The following XXYLT1 variants were observed in gnomAD, a reference collection of about 807,000 sequenced individuals.
The protein encoded by XXYLT1 is xyloside xylosyltransferase 1.
XXYLT1 carries 20 observed loss-of-function variants against 28.9 expected under a neutral mutation model. The observed-to-expected ratio is 0.69, with a 90% CI of 0.49 to 1.00. XXYLT1 has a LOEUF of 1.00. XXYLT1 is among the 50% of genes least tolerant of loss of function. XXYLT1 has a pLI of 0.00. For synonymous variants in XXYLT1, 257 were observed against 253.8 expected, an observed-to-expected ratio of 1.01 and a Z score of -0.12; for missense variants, 542 against 560.1, an observed-to-expected ratio of 0.97 and a Z score of 0.33.
At chr3:195,201,324 T>C (rs2108764932) in intron 2 of XXYLT1, among the ~76,000 whole-genome samples, 1 of 152,298 alleles carries the variant, frequency 6.6e-6, no homozygotes, top group Non-Finnish European at 1.5e-5. Context: ...AGGTGCTCTA[T>C]CTATCCTGGG....
At chr3:195,189,329 A>G (rs1238365927) in intron 2 of XXYLT1, among the ~76,000 whole-genome samples, 2 of 152,242 alleles carry the variant, frequency 1.3e-5, no homozygotes, top group African/African-American at 4.8e-5. Context: ...CTTGTCCCAG[A>G]CAAGTTACAA....
chr3:195,132,637 G>C (rs1439725323), intron 3 of XXYLT1, among the ~76,000 whole-genome samples: 1 of 152,176 alleles, frequency 6.6e-6, no homozygotes, highest in Admixed American at 6.5e-5. Flanking sequence ...AGGAACTAAT[G>C]ACATCAGCCT....
chr3:195,247,960 C>T (rs562203993), intron 1 of XXYLT1: 8 of 553,940 alleles, frequency 1.4e-5, no homozygotes, highest in Non-Finnish European at 2.6e-5. Context: ...GTGGTCCAAT[C>T]ACCTCCCACC....
chr3:195,256,464 C>A lies in XXYLT1; in HGVS notation c.504+14091G>T. ...GCAGGGCCCGAGAAACGAACCAGTA[C>A]CTCCCAGAGGACGGAAGGGAAGTCA... On this transcript the variant is annotated intron_variant, in intron 1 of 3. Transcript: ENST00000310380. This position sits in a 1 kb window ranked among gnomAD's most constrained non-coding sequence, Gnocchi z 4.2. The A allele has an allele frequency of 3.0e-6, 3 of 985,224 alleles. No individual in the cohort carries two copies. The highest frequency in any genetic ancestry group is 3.6e-6 in the Non-Finnish European group (3 of 829,772). 61.0% of individuals were successfully genotyped at this position (985,224 alleles called of 1,614,324 possible). A position where few individuals can be genotyped will look rare whatever the true frequency, so the allele number is the denominator to read the frequency against.
intron 3 of XXYLT1, among the ~76,000 whole-genome samples, chr3:195,130,476 T>C (rs1294753624): frequency 1.3e-5 from 2 of 152,204 alleles, no homozygotes; most frequent in Non-Finnish European, 2.9e-5. Context: ...ATTAAATAAA[T>C]GCTTTAACCA....
At chr3:195,233,063 T>C (rs1379531427) in intron 1 of XXYLT1, among the ~76,000 whole-genome samples, 2 of 152,184 alleles carry the variant, frequency 1.3e-5, no homozygotes, top group African/African-American at 4.8e-5. Flanking sequence ...AGTGCACTAG[T>C]GTTGGATGCA....
chr3:195,113,837 A>G (rs78633113), intron 3 of XXYLT1, among the ~76,000 whole-genome samples: 1 of 152,120 alleles, frequency 6.6e-6, no homozygotes, highest in African/African-American at 2.4e-5. Context: ...ATAGTGCCAG[A>G]GGGTGCTCCT....
chr3:195,196,715 A>C (rs552631608), intron 2 of XXYLT1, among the ~76,000 whole-genome samples: 6 of 152,358 alleles, frequency 3.9e-5, no homozygotes, highest in African/African-American at 1.4e-4. Context: ...CCAACCGTGT[A>C]AAAGCAAATG....
chr3:195,110,832 G>GTGGTGTCTAAGTGTA (rs1717649896), intron 3 of XXYLT1, among the ~76,000 whole-genome samples: 4 of 114,500 alleles, frequency 3.5e-5, no homozygotes, highest in Admixed American at 8.9e-5. Context: ...ATAAGTGTGT[G>GTGGTGTCTAAGTGTA]TGTGGTGTGT....
In XXYLT1 at chr3:195,129,396, C is replaced by G. The variant is rs1429580735; in HGVS notation, c.785+27053G>C. 6.6e-6 allele frequency among the ~76,000 whole-genome samples: 1 copy of G among 152,146 alleles called. No individual in the cohort carries two copies. The highest frequency in any genetic ancestry group is 2.1e-4 in the South Asian group (1 of 4,828). On this transcript the variant is annotated intron_variant, in intron 3 of 3. Coordinates refer to ENST00000310380, the MANE Select transcript of XXYLT1 (RefSeq NM_152531.5). The surrounding 1 kb of genome is among the most constrained non-coding windows in gnomAD (Gnocchi z 4.4). ...AAGAAATCTCGTACCCTTTAGCTAT[C>G]GCTCCCCCAAAACTCCTGGACCACC...
At chr3:195,110,367 G>A (rs111065346) in intron 3 of XXYLT1, among the ~76,000 whole-genome samples, 14,745 of 21,766 alleles carry the variant, frequency 0.68, 5,073 homozygotes, top group Middle Eastern at 0.82. Flanking sequence ...ATGTGCGTGC[G>A]TGTGTGCTGT....
intron 3 of XXYLT1, chr3:195,134,591 C>G (rs1256576534): frequency 6.4e-6 from 1 of 155,930 alleles, no homozygotes; most frequent in Non-Finnish European, 1.5e-5. Context: ...TACCATGCTA[C>G]TGTAATGAAT....
chr3:195,085,945 C>T (rs1156260730), intron 3 of XXYLT1: 6 of 152,288 alleles, frequency 3.9e-5, no homozygotes, highest in Admixed American at 3.3e-4. Context: ...CCAACACTCA[C>T]TATGACTCGG....
At chr3:195,245,402 C>G (rs1724979968) in intron 1 of XXYLT1, among the ~76,000 whole-genome samples, 1 of 151,894 alleles carries the variant, frequency 6.6e-6, no homozygotes, top group South Asian at 2.1e-4. Flanking sequence ...GTGATTCGGC[C>G]CACCTCGGCC....
intron 1 of XXYLT1, among the ~76,000 whole-genome samples, chr3:195,236,959 G>A (rs1276389307): frequency 6.6e-6 from 1 of 152,116 alleles, no homozygotes; most frequent in Non-Finnish European, 1.5e-5. Context: ...GACTGAGCTG[G>A]TACCCAAGTT....
chr3:195,107,245 G>A (rs1437973194), intron 3 of XXYLT1, among the ~76,000 whole-genome samples: 1 of 151,840 alleles, frequency 6.6e-6, no homozygotes, highest in East Asian at 2.0e-4. Context: ...AGGCCGAGGC[G>A]GGCGGATCAC....
chr3:195,078,157 G>A lies in XXYLT1; in HGVS notation c.786-8046C>T, dbSNP rs971120342. 4.6e-5 allele frequency among the ~76,000 whole-genome samples: 7 copies of A among 152,110 alleles called. No homozygotes were observed. The highest frequency in any genetic ancestry group is 1.0e-4 in the Non-Finnish European group (7 of 68,022). On this transcript the variant is annotated intron_variant, in intron 3 of 3. Transcript: ENST00000310380. This position sits in a 1 kb window ranked among gnomAD's most constrained non-coding sequence, Gnocchi z 5.0. ...GGAGGAAAAGGGAATTCCATGTTGA[G>A]TCCCAAACAGGTGCCCAGAGAACAG...
intron 3 of XXYLT1, among the ~76,000 whole-genome samples, chr3:195,119,293 A>C (rs1279722167): frequency 7.0e-6 from 1 of 142,744 alleles, no homozygotes; most frequent in South Asian, 2.4e-4. Flanking sequence ...CAAACAAAAA[A>C]AAAAAAAAAA....
At chr3:195,218,457 C>G (rs1361174401) in intron 2 of XXYLT1, among the ~76,000 whole-genome samples, 2 of 151,538 alleles carry the variant, frequency 1.3e-5, no homozygotes, top group Non-Finnish European at 3.0e-5. Flanking sequence ...TGAACTCAAA[C>G]AAATTTACAA....
Sources: allele counts gnomAD v4.1 joint callset (sites outside exome capture counted in the v4.1 genomes callset), GRCh38; gene constraint gnomAD v4.1.1; non-coding constraint Gnocchi (gnomAD v3.1); transcripts MANE v1.5; gene names NCBI Gene and HGNC (gene_info 2026-07-23, HGNC 2026-07-21).